TBCCD1: variants seen among roughly 807,000 people sequenced by gnomAD.
TBCCD1 encodes TBCC domain containing 1.
TBCCD1 carries 26 observed loss-of-function variants against 53.4 expected under a neutral mutation model. The observed-to-expected ratio is 0.49, with a 90% confidence interval of 0.36 to 0.68. TBCCD1 has a LOEUF of 0.68. TBCCD1 is among the 30% of genes least tolerant of loss of function. TBCCD1 has a pLI of 0.00. For synonymous variants in TBCCD1, 245 were observed against 241.7 expected, an observed-to-expected ratio of 1.01 and a Z score of -0.13; for missense variants, 558 against 669.5, an observed-to-expected ratio of 0.83 and a Z score of 1.84.
At chr3:186,552,581 C>T (rs1714412516) in intron 6 of TBCCD1, among the ~76,000 whole-genome samples, 1 of 152,138 alleles carries the variant, frequency 6.6e-6, no homozygotes, top group South Asian at 2.1e-4. Context: ...TTAGCTCTTC[C>T]TTCCTTCCTC....
chr3:186,556,094 A>C (rs1387061857), intron 4 of TBCCD1, among the ~76,000 whole-genome samples: 1 of 152,034 alleles, frequency 6.6e-6, no homozygotes, highest in African/African-American at 2.4e-5. Flanking sequence ...TTCTTTTAAA[A>C]CATTTCTTGT....
intron 7 of TBCCD1, 86 bp downstream of exon 7, chr3:186,551,043 T>G: frequency 1.4e-6 from 2 of 1,414,560 alleles, no homozygotes; most frequent in African/African-American, 1.4e-5. Context: ...AATTTGGGCA[T>G]GTTTAGTATA....
At chr3:186,569,072 T>C (rs1714926197), upstream of TBCCD1, among the ~76,000 whole-genome samples, 1 of 150,864 alleles carries the variant, frequency 6.6e-6, no homozygotes, top group Non-Finnish European at 1.5e-5. Context: ...TGAGGGAGAG[T>C]ACAGTGTTTC....
chr3:186,570,232 G>A (rs1245071616), upstream of TBCCD1: 2 of 632,584 alleles, frequency 3.2e-6, no homozygotes, highest in Non-Finnish European at 5.8e-6. Flanking sequence ...CAATGCGTCT[G>A]ATGTACACCT....
intron 1 of TBCCD1, among the ~76,000 whole-genome samples, chr3:186,565,426 A>T (rs1714801394): frequency 6.6e-6 from 1 of 152,030 alleles, no homozygotes. Flanking sequence ...TCTTTTTTCT[A>T]CACATAAATT....
rs1560225439 is a variant in TBCCD1, at chr3:186,555,053, A to T, written c.891T>A (p.Ala297=). 6.2e-7 allele frequency: 1 copy of T among 1,610,080 alleles called. No individual in the cohort carries two copies. The highest frequency in any genetic ancestry group is 8.5e-7 in the Non-Finnish European group (1 of 1,178,652). Residue 297 remains alanine (A), a synonymous_variant, in exon 5 of 8, where the codon GCT becomes GCA. Coordinates refer to ENST00000338733, the MANE Select transcript of TBCCD1 (RefSeq NM_018138.5). ...TCCTAGGGGCCACATGAGTATTACA[A>T]GCAATCTTAGCTCTTTTGGTGGTCC... is the stretch of plus-strand genomic sequence containing the variant. The part of the protein sequence containing the change: ...VEGTTKRAKI[A]CNTHVAPRMH...
At chr3:186,566,894 G>A (rs1017358564) in intron 1 of TBCCD1, among the ~76,000 whole-genome samples, 2 of 152,240 alleles carry the variant, frequency 1.3e-5, no homozygotes, top group Admixed American at 6.5e-5. Flanking sequence ...CTGAGCCCCT[G>A]TCAACAGCCA....
chr3:186,564,075 C>T lies in TBCCD1; in HGVS notation c.255G>A (p.Lys85=), dbSNP rs1358522018. 2.5e-6 allele frequency: 4 copies of T among 1,614,092 alleles called. No homozygotes were observed. The highest frequency in any genetic ancestry group is 2.7e-5 in the African/African-American group (2 of 74,928). ...YFEIFDSLSM[K]TPEERLEWSE... Reference sequence around the variant, plus strand: ...ACCATTCCAGGCGCTCCTCAGGTGTCTTCATTGAAAGACTATCAAATATTT... The same window carrying T: ...ACCATTCCAGGCGCTCCTCAGGTGTTTTCATTGAAAGACTATCAAATATTT... Residue 85 remains lysine, a synonymous_variant, in exon 2 of 8, where the codon AAG becomes AAA. Transcript: ENST00000338733.
chr3:186,568,174 T>C (rs1477901877), upstream of TBCCD1, among the ~76,000 whole-genome samples: 1 of 152,214 alleles, frequency 6.6e-6, no homozygotes, highest in African/African-American at 2.4e-5. Context: ...GCACCACTTA[T>C]TAGCTCAGTG....
chr3:186,559,818 G>C (rs1241807595), intron 2 of TBCCD1, among the ~76,000 whole-genome samples: 4 of 152,198 alleles, frequency 2.6e-5, no homozygotes, highest in African/African-American at 7.2e-5. Flanking sequence ...CCAAACTATA[G>C]GACAATATCA....
chr3:186,547,233 G>A (rs1714239817), intron 7 of TBCCD1, among the ~76,000 whole-genome samples: 1 of 151,446 alleles, frequency 6.6e-6, no homozygotes, highest in Non-Finnish European at 1.5e-5. Context: ...CATTTCCTTT[G>A]CATAATCTCC....
intron 1 of TBCCD1, among the ~76,000 whole-genome samples, chr3:186,566,289 C>T (rs1209023608): frequency 6.6e-6 from 1 of 152,222 alleles, no homozygotes; most frequent in Non-Finnish European, 1.5e-5. Flanking sequence ...GATCCGCCTG[C>T]CTTGGCCTTC....
upstream of TBCCD1, among the ~76,000 whole-genome samples, chr3:186,568,185 A>T (rs989292706): frequency 6.6e-6 from 1 of 152,114 alleles, no homozygotes; most frequent in Non-Finnish European, 1.5e-5. Context: ...TAGCTCAGTG[A>T]CCCTGCTGTT....
At chr3:186,549,284 T>C (rs1247642302) in intron 7 of TBCCD1, among the ~76,000 whole-genome samples, 1 of 152,072 alleles carries the variant, frequency 6.6e-6, no homozygotes, top group Non-Finnish European at 1.5e-5. Flanking sequence ...TGAGACTCCA[T>C]CTCAAAAATA....
intron 7 of TBCCD1, 140 bp downstream of exon 7, chr3:186,550,989 T>C (rs1374523608): frequency 9.6e-6 from 7 of 732,252 alleles, no homozygotes; most frequent in Non-Finnish European, 1.4e-5. Context: ...ATGGTAAATA[T>C]GGGTACATAA....
At chr3:186,551,399 C>T (rs901964257) in intron 6 of TBCCD1, 120 bp from the exon 7 acceptor site, 5 of 1,072,056 alleles carry the variant, frequency 4.7e-6, no homozygotes, top group Middle Eastern at 2.9e-4. Context: ...TTCTTGTTAT[C>T]CTTTTGTTCT....
upstream of TBCCD1, chr3:186,570,038 G>C: frequency 1.9e-5 from 12 of 642,314 alleles, 1 homozygote; most frequent in South Asian, 2.0e-4. Flanking sequence ...GCCAATAAGT[G>C]CTTTGCCTCA....
At chr3:186,563,242 G>A (rs914795138) in intron 2 of TBCCD1, among the ~76,000 whole-genome samples, 1 of 152,050 alleles carries the variant, frequency 6.6e-6, no homozygotes, top group African/African-American at 2.4e-5. Context: ...TGAAATACTG[G>A]GTTGTCTATT....
intron 7 of TBCCD1, 74 bp from the exon 8 acceptor site, chr3:186,547,029 C>G (rs904593932): frequency 6.6e-6 from 1 of 151,812 alleles, no homozygotes; most frequent in Non-Finnish European, 1.5e-5. Flanking sequence ...TAAAACTCTA[C>G]GTTTAAAAAA....
Sources: gnomAD v4.1 joint callset for allele counts (sites outside exome capture counted in the v4.1 genomes callset) on GRCh38, gnomAD v4.1.1 for gene constraint, MANE v1.5 for transcripts, NCBI Gene and HGNC (gene_info 2026-07-23, HGNC 2026-07-21) for gene names.